ZFHX3: variants seen among roughly 807,000 people sequenced by gnomAD.
ZFHX3 encodes the protein zinc finger homeobox 3, also known as zinc finger homeobox protein 3.
A neutral mutation model predicts 279.1 loss-of-function variants in ZFHX3; 42 were observed. That is an observed-to-expected ratio of 0.15 (90% CI 0.12 to 0.19). ZFHX3 has a LOEUF of 0.19. Ranked by LOEUF, ZFHX3 falls within the 10% of genes least tolerant of loss-of-function variation. The pLI, the probability that ZFHX3 is intolerant of heterozygous loss-of-function variation, is 1.00. For missense variants in ZFHX3, 4,981 were observed against 4,754.0 expected (o/e 1.05, Z -1.40); for synonymous variants, 2,293 against 1,957.8 (o/e 1.17, Z -4.52).
intron 5 of ZFHX3, among the ~76,000 whole-genome samples, chr16:73,174,266 A>AAACAAC (rs140975222): frequency 0.037 from 5,583 of 149,066 alleles, 108 homozygotes; most frequent in Middle Eastern, 0.048. Flanking sequence ...TGTTCACACA[A>AAACAAC]AACAACAACA....
intron 4 of ZFHX3, among the ~76,000 whole-genome samples, chr16:72,883,615 T>G (rs1368812455): frequency 1.3e-5 from 2 of 152,260 alleles, no homozygotes; most frequent in Non-Finnish European, 2.9e-5. Context: ...CATTATGTTC[T>G]CTTTTCATGT....
intron 8 of ZFHX3, among the ~76,000 whole-genome samples, chr16:73,077,827 T>C (rs1206993620): frequency 6.6e-6 from 1 of 152,176 alleles, no homozygotes; most frequent in Non-Finnish European, 1.5e-5. Flanking sequence ...TGTTTTTTGT[T>C]TGTGACAGAG....
chr16:73,656,698 A>G (rs1342185180), intron 2 of ZFHX3, among the ~76,000 whole-genome samples: 1 of 152,246 alleles, frequency 6.6e-6, no homozygotes, highest in Non-Finnish European at 1.5e-5. Context: ...TATCTAGCTT[A>G]TAATTTTAAA....
intron 3 of ZFHX3, among the ~76,000 whole-genome samples, chr16:72,927,145 T>C (rs993075522): frequency 6.6e-6 from 1 of 152,210 alleles, no homozygotes; most frequent in African/African-American, 2.4e-5. Context: ...CCTTCTTCAC[T>C]TGGTCAGAGA....
intron 5 of ZFHX3, among the ~76,000 whole-genome samples, chr16:73,149,336 A>G (rs1481697572): frequency 6.6e-6 from 1 of 150,660 alleles, no homozygotes; most frequent in Non-Finnish European, 1.5e-5. Context: ...TTAATATAAT[A>G]TTTTGTTATA....
chr16:73,433,077 C>A (rs1597333669), intron 3 of ZFHX3, among the ~76,000 whole-genome samples: 1 of 152,218 alleles, frequency 6.6e-6, no homozygotes, highest in Non-Finnish European at 1.5e-5. Context: ...CTGGCTTTCT[C>A]TCCTGGCTGG....
Position 73,463,497 on chromosome 16 carries a change from G to A in ZFHX3, c.-1546-7239C>T, listed in dbSNP as rs527418789. On this transcript the variant is annotated intron_variant, in intron 2 of 17. Coordinates refer to the ZFHX3 transcript ENST00000641206. ...GATTTGAGCCTGGATCCCATTCATC[G>A]TTTCTGGTATAACCTGTGCTTTTCA... 9.2e-5 allele frequency among the ~76,000 whole-genome samples: 14 copies of A among 152,260 alleles called. No homozygotes were observed. The South Asian group carries it at 2.3e-3, about 25-fold the overall frequency.
At chr16:72,840,163 T>C (rs1439995491) in intron 4 of ZFHX3, among the ~76,000 whole-genome samples, 1 of 152,090 alleles carries the variant, frequency 6.6e-6, no homozygotes, top group Admixed American at 6.6e-5. Flanking sequence ...TTATTTTTAA[T>C]TGGAAAATAC....
intron 1 of ZFHX3, among the ~76,000 whole-genome samples, chr16:73,784,796 A>AAAATATAT (rs56734827): frequency 4.2e-4 from 55 of 131,106 alleles, no homozygotes; most frequent in Non-Finnish European, 7.2e-4. Flanking sequence ...TAAAAAAAAA[A>AAAATATAT]ATATATATAT....
intron 1 of ZFHX3, among the ~76,000 whole-genome samples, chr16:73,791,350 T>C (rs1350388181): frequency 1.3e-5 from 2 of 152,152 alleles, no homozygotes; most frequent in East Asian, 3.9e-4. Context: ...TGCATCGGAA[T>C]TACTCCACCA....
chr16:73,522,870 A>T (rs1208516612), intron 2 of ZFHX3, among the ~76,000 whole-genome samples: 1 of 152,198 alleles, frequency 6.6e-6, no homozygotes, highest in Non-Finnish European at 1.5e-5. Flanking sequence ...ATCCTTCTAC[A>T]TGTGGTGGCA....
At chr16:73,777,347 T>C (rs200505977) in intron 1 of ZFHX3, among the ~76,000 whole-genome samples, 6 of 151,606 alleles carry the variant, frequency 4.0e-5, no homozygotes, top group African/African-American at 1.2e-4. Flanking sequence ...ACTAAAAATA[T>C]AAAAAATTAG....
At chr16:73,287,491 G>T (rs2014648839) in intron 4 of ZFHX3, among the ~76,000 whole-genome samples, 1 of 143,692 alleles carries the variant, frequency 7.0e-6, no homozygotes, top group Admixed American at 6.9e-5. Context: ...TGTGTGGGTT[G>T]ATGAGTGGCT....
chr16:73,701,562 T>C (rs1183644172), intron 1 of ZFHX3, among the ~76,000 whole-genome samples: 2 of 152,208 alleles, frequency 1.3e-5, no homozygotes, highest in African/African-American at 4.8e-5. Context: ...TTTTTATTAT[T>C]TCATTAAGTT....
At chr16:72,936,595 T>C (rs766223290) in intron 3 of ZFHX3, among the ~76,000 whole-genome samples, 2 of 152,252 alleles carry the variant, frequency 1.3e-5, no homozygotes, top group African/African-American at 2.4e-5. Flanking sequence ...GCAAAGGCCC[T>C]GTGGCAGGCG....
Position 73,537,797 on chromosome 16 carries a change from A to G in ZFHX3, c.-1546-81539T>C, listed in dbSNP as rs529661579. On this transcript the variant is annotated intron_variant, in intron 2 of 17. Coordinates refer to the ZFHX3 transcript ENST00000641206. ...AGTCAGAATGCTTTTATACCTAACC[A>G]GGAAGATATGACATGTGGTGAAGGG... is the stretch of plus-strand genomic sequence containing the variant. 2.6e-5 allele frequency among the ~76,000 whole-genome samples: 4 copies of G among 152,334 alleles called. No individual in the cohort carries two copies. The East Asian group carries it at 7.7e-4, about 29-fold the overall frequency.
At chr16:73,656,334 C>T (rs577964969) in intron 2 of ZFHX3, among the ~76,000 whole-genome samples, 3 of 152,258 alleles carry the variant, frequency 2.0e-5, no homozygotes, top group South Asian at 4.2e-4. Context: ...AAAAAAGTAA[C>T]CAAGAGAATA....
intron 4 of ZFHX3, among the ~76,000 whole-genome samples, chr16:73,272,302 C>G (rs1290911581): frequency 6.6e-6 from 1 of 152,002 alleles, no homozygotes; most frequent in African/African-American, 2.4e-5. Flanking sequence ...CTATATTTTT[C>G]TCTCCCAGTT....
intron 3 of ZFHX3, among the ~76,000 whole-genome samples, chr16:72,911,734 G>A (rs893079349): frequency 6.6e-6 from 1 of 152,200 alleles, no homozygotes; most frequent in African/African-American, 2.4e-5. Context: ...CGATGGCCCC[G>A]TGTGGCTGGT....
Sources: allele counts gnomAD v4.1 joint callset (sites outside exome capture counted in the v4.1 genomes callset), GRCh38; gene constraint gnomAD v4.1.1; transcripts MANE v1.5; gene names NCBI Gene and HGNC (gene_info 2026-07-23, HGNC 2026-07-21).